Variants in MFSD2A observed in about 807,000 individuals in gnomAD.
MFSD2A encodes sodium-dependent lysophosphatidylcholine symporter 1.
MFSD2A carries 27 observed loss-of-function variants against 64.7 expected under a neutral mutation model. The ratio of observed to expected loss-of-function variants is 0.42; its 90% CI spans 0.31 to 0.58. MFSD2A has a LOEUF of 0.58. MFSD2A is among the 20% of genes least tolerant of loss of function. The probability of loss-of-function intolerance (pLI) is 0.18; values close to 1 mark genes in which losing one functional copy is unlikely to be tolerated. For missense variants in MFSD2A, 474 were observed against 679.5 expected (o/e 0.70, Z 3.36); for synonymous variants, 258 against 273.4 (o/e 0.94, Z 0.55).
At chr1:39,966,442 C>A (rs1265142043) in intron 6 of MFSD2A, among the ~76,000 whole-genome samples, 159 bp from the exon 7 acceptor site, 1 of 152,148 alleles carries the variant, frequency 6.6e-6, no homozygotes. Flanking sequence ...TGGGAAGCAA[C>A]AGCAGGCCCA....
intron 9 of MFSD2A, 59 bp downstream of exon 9, chr1:39,967,228 T>C (rs1645183326): frequency 3.4e-6 from 5 of 1,472,578 alleles, no homozygotes; most frequent in Non-Finnish European, 4.7e-6. Context: ...GGCTGTGGAA[T>C]GGTTCTTGGA....
rs965882444 is a variant in MFSD2A at position 39,960,759 on chromosome 1, G to A, written c.353+1934G>A. The stretch of plus-strand genomic sequence containing the variant: ...CTGAGGAGACAGAGTCAAGAGAGGT[G>A]GAGGTGGGCAGGCCTTCCCTGTGGC... On this transcript the variant is annotated intron_variant, in intron 3 of 13. Transcript: ENST00000372811. This position sits in a 1 kb window ranked among gnomAD's most constrained non-coding sequence, Gnocchi z 4.8. Among the ~76,000 whole-genome samples, 4 of 152,208 alleles carry A rather than the reference G, an allele frequency of 2.6e-5. No individual in the cohort carries two copies. The highest frequency in any genetic ancestry group is 7.2e-5 in the African/African-American group (3 of 41,468).
chr1:39,967,222 G>A (rs1293493099), intron 9 of MFSD2A, 53 bp downstream of exon 9: 1 of 1,501,384 alleles, frequency 6.7e-7, no homozygotes, highest in Non-Finnish European at 9.3e-7. Context: ...GACATAGGCT[G>A]TGGAATGGTT....
In MFSD2A at chr1:39,968,551, A is replaced by AC. The variant is rs1233241767; in HGVS notation, c.1353-13dup. 1 of 1,613,264 alleles carries AC rather than the reference A, an allele frequency of 6.2e-7. No individual in the cohort carries two copies. Among genetic ancestry groups the AC allele is most frequent in the Admixed American group, 1.7e-5 (1 of 59,938 alleles). On this transcript the variant is annotated splice_polypyrimidine_tract_variant and intron_variant, in intron 12 of 13. Transcript: ENST00000372811. The surrounding 1 kb of genome is among the most constrained non-coding windows in gnomAD (Gnocchi z 4.4). ...GGTGCCCCATCTTCACCGTTCTCCT[A>AC]CCCCCTGGGTCCCATAGCTTTGCAG... is the stretch of plus-strand genomic sequence containing the variant.
In MFSD2A at chr1:39,967,865, C is replaced by G; in HGVS notation, c.1157C>G (p.Ala386Gly). The change falls in exon 11 of 14, where the codon GCG becomes GGG. Residue 386 changes from alanine (A) to glycine (G), a missense_variant. Transcript: ENST00000372811. ...LMESNLIITY[A>G]VAVAAGISVA... The stretch of plus-strand genomic sequence containing the variant: ...GAGAGTAACCTCATCATTACATATG[C>G]GGTAGCTGTGGCAGCTGGCATCAGT... The G allele has an allele frequency of 6.2e-7, 1 of 1,613,802 alleles. No individual in the cohort carries two copies. The highest frequency in any genetic ancestry group is 1.3e-5 in the African/African-American group (1 of 74,984).
rs1255312510 is a variant in MFSD2A at position 39,964,444 on chromosome 1, A to G, written c.354-767A>G. The G allele has an allele frequency of 6.6e-6, 1 of 152,254 alleles. No individual in the cohort carries two copies. The highest frequency in any genetic ancestry group is 1.5e-5 in the Non-Finnish European group (1 of 68,058). 9.4% of individuals were successfully genotyped at this position (152,254 alleles called of 1,614,324 possible). On this transcript the variant is annotated intron_variant, in intron 3 of 13. Coordinates refer to ENST00000372811, the MANE Select transcript of MFSD2A (RefSeq NM_032793.5). The surrounding 1 kb of genome is among the most constrained non-coding windows in gnomAD (Gnocchi z 4.1). ...TGGAGCTAGAATGGAATCCCTGAAG[A>G]GTGGCTCAAAGGCCTTTCTCTTTAC... is the stretch of plus-strand genomic sequence containing the variant.
rs1212871914 is a variant in MFSD2A at position 39,966,702 on chromosome 1, G to A, written c.805+11G>A. ...TGCGGGAGCAGAGAGGTAAGGGGGT[G>A]CCTGGGAAGGGGTGCAGGCCTCAGC... On this transcript the variant is annotated intron_variant, in intron 7 of 13. Transcript: ENST00000372811. 2 of 1,613,538 alleles carry A rather than the reference G, an allele frequency of 1.2e-6. No homozygotes were observed. The highest frequency in any genetic ancestry group is 2.7e-5 in the African/African-American group (2 of 74,912).
In MFSD2A at chr1:39,963,883, C is replaced by T. The variant is rs746262201; in HGVS notation, c.354-1328C>T. ...CCGAGGAGCTGGGACTACAGGTGTG[C>T]GCCACCATGCCTGGTTAATTTTTGT... On this transcript the variant is annotated intron_variant, in intron 3 of 13. Coordinates refer to ENST00000372811, the MANE Select transcript of MFSD2A (RefSeq NM_032793.5). The surrounding 1 kb of genome is among the most constrained non-coding windows in gnomAD (Gnocchi z 4.2). Among the ~76,000 whole-genome samples, 7 of 152,120 alleles carry T rather than the reference C, an allele frequency of 4.6e-5. No individual in the cohort carries two copies. The highest frequency in any genetic ancestry group is 7.4e-5 in the Non-Finnish European group (5 of 68,024).
intron 2 of MFSD2A, among the ~76,000 whole-genome samples, chr1:39,957,460 G>A (rs111797349): frequency 9.8e-5 from 15 of 152,338 alleles, no homozygotes; most frequent in African/African-American, 3.6e-4. Flanking sequence ...TGCCTGGCAT[G>A]AGCAACAGAG....
At position 39,968,705 on chromosome 1, in the gene MFSD2A, G is replaced by A. The variant is rs1232980386; in HGVS notation, c.1489G>A (p.Glu497Lys). The change falls in exon 13 of 14, where the codon GAG becomes AAG. Residue 497 changes from glutamate to lysine, a missense_variant. Glu to Lys is a moderately conservative substitution (Grantham distance 56). Coordinates refer to ENST00000372811, the MANE Select transcript of MFSD2A (RefSeq NM_032793.5). The surrounding 1 kb of genome is among the most constrained non-coding windows in gnomAD (Gnocchi z 4.4). Reference sequence around the variant, plus strand: ...CTTCAAAATGTACCCCATTGATGAGGAGAGGCGGCGGCAGAATAAGAAGGC... The same window carrying A: ...CTTCAAAATGTACCCCATTGATGAGAAGAGGCGGCGGCAGAATAAGAAGGC... ...LLFKMYPIDE[E>K]RRRQNKKALQ... 3.1e-6 allele frequency: 5 copies of A among 1,614,204 alleles called. No homozygotes were observed. In the East Asian group the frequency reaches 8.9e-5, roughly 29 times the overall value.
Position 39,957,209 on chromosome 1 carries a change from G to A in MFSD2A, c.216G>A (p.Leu72=). 6.3e-7 allele frequency: 1 copy of A among 1,599,906 alleles called. No individual in the cohort carries two copies. The highest frequency in any genetic ancestry group is 1.3e-5 in the African/African-American group (1 of 74,360). ...GTTTCTTCCTTCAGATCTACCTATT[G>A]GATGTGGCTCAGGTGAGTGGTCTAA... ...ALGFFLQIYL[L]DVAQVGPFSA... is the part of the protein sequence containing the mutation. The change falls in exon 2 of 14, where the codon TTG becomes TTA. Residue 72 remains leucine (L), a synonymous_variant. Coordinates refer to ENST00000372811, the MANE Select transcript of MFSD2A (RefSeq NM_032793.5).
At chr1:39,961,295 T>G (rs1249311374) in intron 3 of MFSD2A, among the ~76,000 whole-genome samples, 2 of 141,180 alleles carry the variant, frequency 1.4e-5, no homozygotes, top group Non-Finnish European at 3.0e-5. Context: ...ATCCTCTTCT[T>G]GAAACCAGGA....
At chr1:39,962,218 G>C (rs1393964187) in intron 3 of MFSD2A, among the ~76,000 whole-genome samples, 2 of 152,142 alleles carry the variant, frequency 1.3e-5, no homozygotes, top group Non-Finnish European at 2.9e-5. Flanking sequence ...CCTTAGGCCT[G>C]ATACGCACCT....
At position 39,960,798 on chromosome 1, in the gene MFSD2A, G is replaced by T. The variant is rs1645022207; in HGVS notation, c.353+1973G>T. Among the ~76,000 whole-genome samples the T allele has an allele frequency of 1.3e-5, 2 of 152,208 alleles. No homozygotes were observed. Among genetic ancestry groups the T allele is most frequent in the Admixed American group, 6.5e-5 (1 of 15,288 alleles). Reference sequence around the variant, plus strand: ...CTTCCCTGTGGCATGTAGGAACTGAGCAACTTCCTGGGCAGGCGTGGCAGC... The same window carrying T: ...CTTCCCTGTGGCATGTAGGAACTGATCAACTTCCTGGGCAGGCGTGGCAGC... On this transcript the variant is annotated intron_variant, in intron 3 of 13. Transcript: ENST00000372811. The surrounding 1 kb of genome is among the most constrained non-coding windows in gnomAD (Gnocchi z 4.8).
intron 6 of MFSD2A, 23 bp downstream of exon 6, chr1:39,966,037 G>T: frequency 6.2e-7 from 1 of 1,612,944 alleles, no homozygotes; most frequent in South Asian, 1.1e-5. Flanking sequence ...GCAGGGCAGG[G>T]ATTTGGGGAG....
At position 39,965,748 on chromosome 1, in the gene MFSD2A, C is replaced by A; in HGVS notation, c.557-109C>A. On this transcript the variant is annotated intron_variant, in intron 5 of 13. Coordinates refer to ENST00000372811, the MANE Select transcript of MFSD2A (RefSeq NM_032793.5). The surrounding 1 kb of genome is among the most constrained non-coding windows in gnomAD (Gnocchi z 5.5). ...ACCAAGGTGTCACCTACCCCACTACCTCTACCCACCCTGCCTGGAGCTACC... is the reference window on the plus strand; with the variant it reads ...ACCAAGGTGTCACCTACCCCACTACATCTACCCACCCTGCCTGGAGCTACC... 4 of 1,443,470 alleles carry A rather than the reference C, an allele frequency of 2.8e-6. No homozygotes were observed. The highest frequency in any genetic ancestry group is 2.3e-5 in the East Asian group (1 of 43,420). 89.4% of individuals were successfully genotyped at this position (1,443,470 alleles called of 1,614,324 possible).
At chr1:39,961,748 G>GCAA (rs1488779612) in intron 3 of MFSD2A, among the ~76,000 whole-genome samples, 1 of 152,182 alleles carries the variant, frequency 6.6e-6, no homozygotes, top group Non-Finnish European at 1.5e-5. Flanking sequence ...CCAGCCTCAA[G>GCAA]CAATACTCCT....
Position 39,958,683 on chromosome 1 carries a change from T to C in MFSD2A, c.229-18T>C. ...GTAGAAGGATGAGGAAGTTGTCTTT[T>C]GCTTCTCCTCATTCCAGGTGGGCCC... On this transcript the variant is annotated intron_variant, in intron 2 of 13. Transcript: ENST00000372811. This position sits in a 1 kb window ranked among gnomAD's most constrained non-coding sequence, Gnocchi z 4.7. The C allele has an allele frequency of 1.2e-6, 2 of 1,614,162 alleles. No individual in the cohort carries two copies. Among genetic ancestry groups the C allele is most frequent in the Non-Finnish European group, 1.7e-6 (2 of 1,180,016 alleles).
chr1:39,959,405 A>G (rs1318214623), intron 3 of MFSD2A, among the ~76,000 whole-genome samples: 1 of 151,540 alleles, frequency 6.6e-6, no homozygotes, highest in Non-Finnish European at 1.5e-5. Context: ...GTGCCACCAC[A>G]CCTGGCTAAT....
Sources: gnomAD v4.1 joint callset for allele counts (sites outside exome capture counted in the v4.1 genomes callset) on GRCh38, gnomAD v4.1.1 for gene constraint, Gnocchi (gnomAD v3.1) non-coding constraint, MANE v1.5 for transcripts, NCBI Gene and HGNC (gene_info 2026-07-23, HGNC 2026-07-21) for gene names.